The following CADM2 variants were observed in gnomAD, a reference collection of about 807,000 sequenced individuals.
The protein encoded by CADM2 is cell adhesion molecule 2, also known as immunoglobulin superfamily member 4D.
Under a neutral mutation model 49.8 loss-of-function variants are expected in CADM2, and 12 were observed. The observed-to-expected ratio is 0.24, with a 90% CI of 0.15 to 0.39. CADM2 has a LOEUF of 0.39. CADM2 is among the 10% of genes least tolerant of loss of function. The pLI is 1.00. For synonymous variants in CADM2, 214 were observed against 175.4 expected (o/e 1.22, Z -1.74); for missense variants, 378 against 492.3 (o/e 0.77, Z 2.20).
chr3:85,719,262 C>A (rs1241698390), intron 1 of CADM2, among the ~76,000 whole-genome samples: 2 of 152,000 alleles, frequency 1.3e-5, no homozygotes, highest in Non-Finnish European at 2.9e-5. Context: ...CAATGGGTAG[C>A]CAACGCTGAA....
intron 7 of CADM2, among the ~76,000 whole-genome samples, chr3:85,956,676 AT>A (rs973128043): frequency 2.7e-5 from 4 of 149,922 alleles, no homozygotes; most frequent in Non-Finnish European, 4.5e-5. Context: ...TTTTTGAAAA[AT>A]TTTGTTTTAA....
chr3:86,016,131 CTT>C (rs1368341889), intron 8 of CADM2, among the ~76,000 whole-genome samples: 1 of 151,938 alleles, frequency 6.6e-6, no homozygotes, highest in African/African-American at 2.4e-5. Context: ...TCATGTCAGT[CTT>C]TTGATACACT....
intron 1 of CADM2, among the ~76,000 whole-genome samples, chr3:85,252,491 C>G (rs2042797974): frequency 6.6e-6 from 1 of 151,910 alleles, no homozygotes; most frequent in Non-Finnish European, 1.5e-5. Flanking sequence ...TAAAATCATT[C>G]AAAACTTACT....
intron 1 of CADM2, among the ~76,000 whole-genome samples, chr3:85,024,792 G>A (rs1022265405): frequency 6.6e-6 from 1 of 151,670 alleles, no homozygotes; most frequent in African/African-American, 2.4e-5. Flanking sequence ...GAATTTGTGT[G>A]TACATAAATA....
At chr3:85,049,913 T>C (rs1040626520) in intron 1 of CADM2, among the ~76,000 whole-genome samples, 9 of 152,262 alleles carry the variant, frequency 5.9e-5, no homozygotes, top group South Asian at 4.1e-4. Flanking sequence ...CTGCTACATT[T>C]AATAGAAGTT....
intron 1 of CADM2, among the ~76,000 whole-genome samples, chr3:85,013,908 C>A: frequency 7.0e-6 from 1 of 143,846 alleles, no homozygotes. Flanking sequence ...TTGTACTGTC[C>A]TCAGTACAAT....
chr3:85,356,002 A>G (rs917629081), intron 1 of CADM2, among the ~76,000 whole-genome samples: 1 of 152,136 alleles, frequency 6.6e-6, no homozygotes. Flanking sequence ...CAAATAAGCC[A>G]TTTTAAATAA....
At chr3:85,878,275 G>A (rs997833704) in intron 3 of CADM2, among the ~76,000 whole-genome samples, 1 of 152,050 alleles carries the variant, frequency 6.6e-6, no homozygotes, top group African/African-American at 2.4e-5. Context: ...CTGTGATGTA[G>A]CATAGGAGTT....
chr3:85,735,172 A>G (rs895946859), intron 2 of CADM2, among the ~76,000 whole-genome samples: 6 of 152,148 alleles, frequency 3.9e-5, no homozygotes, highest in Admixed American at 3.9e-4. Context: ...ATTATGAAGA[A>G]TAAAGTGGAA....
intron 1 of CADM2, among the ~76,000 whole-genome samples, chr3:85,323,646 T>C (rs750680480): frequency 2.0e-5 from 3 of 152,188 alleles, no homozygotes; most frequent in Non-Finnish European, 2.9e-5. Flanking sequence ...AAATTATCTC[T>C]GGATCCCATA....
At chr3:85,341,779 ATCAT>A (rs2045245865) in intron 1 of CADM2, among the ~76,000 whole-genome samples, 3 of 152,238 alleles carry the variant, frequency 2.0e-5, no homozygotes, top group South Asian at 2.1e-4. Context: ...TAAAGATTTA[ATCAT>A]TCATTCAATC....
At chr3:85,714,576 G>A (rs1476833309) in intron 1 of CADM2, among the ~76,000 whole-genome samples, 4 of 151,712 alleles carry the variant, frequency 2.6e-5, no homozygotes, top group African/African-American at 4.8e-5. Flanking sequence ...ACAGACACCC[G>A]CCACCACGCC....
At chr3:85,863,906 A>G (rs2075629483) in intron 3 of CADM2, among the ~76,000 whole-genome samples, 1 of 152,194 alleles carries the variant, frequency 6.6e-6, no homozygotes. Flanking sequence ...GTTGCATTTG[A>G]GTCCCAGAGA....
At chr3:85,910,461 CAT>C (rs1473613257) in intron 5 of CADM2, among the ~76,000 whole-genome samples, 1 of 152,026 alleles carries the variant, frequency 6.6e-6, no homozygotes, top group Non-Finnish European at 1.5e-5. Flanking sequence ...ATTATTGTGA[CAT>C]ATTTTTTCTG....
intron 1 of CADM2, among the ~76,000 whole-genome samples, chr3:85,462,623 C>T (rs760104116): frequency 2.0e-5 from 3 of 152,124 alleles, no homozygotes; most frequent in Non-Finnish European, 4.4e-5. Flanking sequence ...CACAAAAACA[C>T]TAGCATCATA....
intron 2 of CADM2, among the ~76,000 whole-genome samples, chr3:85,734,096 T>C (rs954370611): frequency 2.6e-5 from 4 of 152,130 alleles, no homozygotes; most frequent in African/African-American, 9.7e-5. Context: ...ATTTCAAATT[T>C]GATGGAATTA....
At chr3:85,576,181 A>G (rs1046051824) in intron 1 of CADM2, among the ~76,000 whole-genome samples, 1 of 152,180 alleles carries the variant, frequency 6.6e-6, no homozygotes, top group African/African-American at 2.4e-5. Flanking sequence ...TAAACATTAA[A>G]TTTATGTCTT....
At chr3:85,317,272 C>A (rs2044491858) in intron 1 of CADM2, among the ~76,000 whole-genome samples, 1 of 152,128 alleles carries the variant, frequency 6.6e-6, no homozygotes, top group South Asian at 2.1e-4. Flanking sequence ...ACTAAATTAT[C>A]AACATAGCAC....
intron 1 of CADM2, among the ~76,000 whole-genome samples, chr3:85,170,424 C>T (rs1249642998): frequency 6.6e-6 from 1 of 151,224 alleles, no homozygotes; most frequent in Non-Finnish European, 1.5e-5. Context: ...CTGCAACTTC[C>T]GCCTCCCAGG....
Sources: allele counts gnomAD v4.1 joint callset (sites outside exome capture counted in the v4.1 genomes callset), GRCh38; gene constraint gnomAD v4.1.1; transcripts MANE v1.5; gene names NCBI Gene and HGNC (gene_info 2026-07-23, HGNC 2026-07-21).